The following KCNIP4 variants were observed in gnomAD, a reference collection of about 807,000 sequenced individuals.
KCNIP4 encodes the protein potassium voltage-gated channel interacting protein 4, also known as Kv channel-interacting protein 4.
Under a neutral mutation model 34.0 loss-of-function variants are expected in KCNIP4, and 12 were observed. That is an observed-to-expected ratio of 0.35 (90% confidence interval 0.23 to 0.57). The LOEUF (loss-of-function observed/expected upper bound fraction) is 0.57. Ranked by LOEUF, KCNIP4 falls within the 20% of genes least tolerant of loss-of-function variation. KCNIP4 has a pLI of 0.83. For synonymous variants in KCNIP4, 124 were observed against 102.2 expected, an observed-to-expected ratio of 1.21 and a Z score of -1.29; for missense variants, 238 against 311.7, an observed-to-expected ratio of 0.76 and a Z score of 1.78.
intron 1 of KCNIP4, among the ~76,000 whole-genome samples, chr4:20,882,920 A>G (rs1724864615): frequency 6.6e-6 from 1 of 152,058 alleles, no homozygotes; most frequent in Non-Finnish European, 1.5e-5. Flanking sequence ...GTTGTTTTGA[A>G]GATAATGACG....
In KCNIP4 at chr4:21,757,243, GAAAGAAAAGAAAAGA is replaced by G. The variant is rs145596310; in HGVS notation, c.61+191313_61+191327del. On this transcript the variant is annotated intron_variant, in intron 1 of 8. Transcript: ENST00000382152. ...AGAAAGAAAGAAAGAAAGAAAGAAAGAAAGAAAAGAAAAGAAAAGAAAAGAAAAGAAAAGAAAAGA... is the reference window on the plus strand; with the variant it reads ...AGAAAGAAAGAAAGAAAGAAAGAAAGAAAGAAAAGAAAAGAAAAGAAAAGA... Among the ~76,000 whole-genome samples, 157 of 26,464 alleles carry G rather than the reference GAAAGAAAAGAAAAGA, an allele frequency of 5.9e-3. 12 individuals are homozygous for G. Among genetic ancestry groups the G allele is most frequent in the African/African-American group, 0.025 (109 of 4,424 alleles). 17.4% of individuals were successfully genotyped at this position (26,464 alleles called of 152,430 possible).
At chr4:21,741,341 G>A (rs374465885) in intron 1 of KCNIP4, among the ~76,000 whole-genome samples, 49 of 152,208 alleles carry the variant, frequency 3.2e-4, no homozygotes, top group Non-Finnish European at 5.4e-4. Flanking sequence ...AAATAGCACC[G>A]TGGAAACAAC....
At chr4:21,607,805 A>G (rs1307797256) in intron 1 of KCNIP4, among the ~76,000 whole-genome samples, 1 of 152,016 alleles carries the variant, frequency 6.6e-6, no homozygotes, top group Non-Finnish European at 1.5e-5. Context: ...GTCACAGAAA[A>G]ACCTATGCTT....
chr4:20,945,174 T>C (rs1732063570), intron 1 of KCNIP4, among the ~76,000 whole-genome samples: 1 of 152,162 alleles, frequency 6.6e-6, no homozygotes, highest in Non-Finnish European at 1.5e-5. Context: ...AAATGCAGAA[T>C]AGCAGGTCCT....
Position 20,729,351 on chromosome 4 carries a change from T to G in KCNIP4, c.*731A>C, listed in dbSNP as rs1747152739. On this transcript the variant is annotated 3_prime_UTR_variant, in exon 9 of 9. Transcript: ENST00000382152. The stretch of plus-strand genomic sequence containing the variant: ...ATGATTGATACAATAGAAAACAGCC[T>G]GTAAGAAAGATTGAACAAATCCAAA... 1 of 152,180 alleles carries G rather than the reference T, an allele frequency of 6.6e-6. No individual in the cohort carries two copies. Among genetic ancestry groups the G allele is most frequent in the African/African-American group, 2.4e-5 (1 of 41,394 alleles). The allele number at this position is 152,180 out of a possible 1,614,324, so 9.4% of individuals were successfully genotyped here.
rs80090701 is a variant in KCNIP4 at position 21,081,646 on chromosome 4, A to C, written c.62-198937T>G. Among the ~76,000 whole-genome samples, 313 of 151,980 alleles carry C rather than the reference A, an allele frequency of 2.1e-3. 6 individuals carry two copies. The East Asian group carries it at 0.057, about 28-fold the overall frequency. The stretch of plus-strand genomic sequence containing the variant: ...ATTTCAAATGGTTGTGTTTTCTGTC[A>C]GTAATTTGAAGTTCTAGTATAATAT... On this transcript the variant is annotated intron_variant, in intron 1 of 8. Transcript: ENST00000382152.
At chr4:21,788,983 G>A (rs144444048) in intron 1 of KCNIP4, among the ~76,000 whole-genome samples, 2,707 of 149,034 alleles carry the variant, frequency 0.018, 88 homozygotes, top group African/African-American at 0.062. Flanking sequence ...TGAGGCAGAA[G>A]GATTGCTTGA....
chr4:21,363,578 C>A (rs1265026617), intron 1 of KCNIP4, among the ~76,000 whole-genome samples: 1 of 151,984 alleles, frequency 6.6e-6, no homozygotes. Flanking sequence ...GGGAAGTAGG[C>A]AAATTGAATT....
chr4:21,891,613 A>G (rs1727095896), intron 1 of KCNIP4, among the ~76,000 whole-genome samples: 1 of 152,150 alleles, frequency 6.6e-6, no homozygotes, highest in South Asian at 2.1e-4. Flanking sequence ...CACAGGGTCT[A>G]ACAATGATCA....
chr4:21,274,231 C>T (rs978314954), intron 1 of KCNIP4, among the ~76,000 whole-genome samples: 4 of 152,058 alleles, frequency 2.6e-5, no homozygotes, highest in African/African-American at 9.7e-5. Context: ...AGTACCATGC[C>T]TGTGTGTGAG....
chr4:21,917,660 T>C (rs1475525728), intron 1 of KCNIP4, among the ~76,000 whole-genome samples: 5 of 152,230 alleles, frequency 3.3e-5, no homozygotes, highest in Non-Finnish European at 7.3e-5. Context: ...AAAATTTCTA[T>C]TTCACAGATA....
intron 1 of KCNIP4, among the ~76,000 whole-genome samples, chr4:21,865,925 T>A (rs1725386843): frequency 3.2e-5 from 4 of 125,930 alleles, no homozygotes; most frequent in African/African-American, 2.5e-5. Context: ...ATATATGGTG[T>A]CTCATATATA....
chr4:21,666,848 A>T (rs1749003526), intron 1 of KCNIP4, among the ~76,000 whole-genome samples: 1 of 152,228 alleles, frequency 6.6e-6, no homozygotes, highest in African/African-American at 2.4e-5. Context: ...AAAGAGAGCC[A>T]CATTGAATGG....
chr4:21,512,595 G>GA (rs1657673049), intron 1 of KCNIP4, among the ~76,000 whole-genome samples: 1 of 152,094 alleles, frequency 6.6e-6, no homozygotes, highest in African/African-American at 2.4e-5. Flanking sequence ...CTGGTTCAGG[G>GA]AGACTCAGGC....
intron 1 of KCNIP4, among the ~76,000 whole-genome samples, chr4:20,982,883 TATC>T (rs1736211130): frequency 6.6e-6 from 1 of 152,208 alleles, no homozygotes; most frequent in Non-Finnish European, 1.5e-5. Flanking sequence ...GGCAATAAAA[TATC>T]ATATCCATAT....
intron 1 of KCNIP4, among the ~76,000 whole-genome samples, chr4:21,755,023 T>C (rs1250651765): frequency 2.6e-5 from 4 of 152,172 alleles, no homozygotes; most frequent in African/African-American, 9.7e-5. Context: ...CATGTGTGCC[T>C]GTAATCCCAG....
chr4:21,576,802 A>C (rs1258530775), intron 1 of KCNIP4, among the ~76,000 whole-genome samples: 1 of 152,154 alleles, frequency 6.6e-6, no homozygotes. Context: ...AATTTCTTCA[A>C]ACAGTACATT....
At chr4:21,733,113 G>A (rs1258587499) in intron 1 of KCNIP4, among the ~76,000 whole-genome samples, 1 of 152,094 alleles carries the variant, frequency 6.6e-6, no homozygotes, top group Non-Finnish European at 1.5e-5. Context: ...GGCACTCATG[G>A]ATGATTTTAT....
intron 1 of KCNIP4, among the ~76,000 whole-genome samples, chr4:21,452,692 T>A (rs1263938228): frequency 6.6e-6 from 1 of 151,574 alleles, no homozygotes; most frequent in African/African-American, 2.4e-5. Flanking sequence ...ACTATTATAC[T>A]ATTATTTGTC....
Sources: gnomAD v4.1 joint callset for allele counts (sites outside exome capture counted in the v4.1 genomes callset) on GRCh38, gnomAD v4.1.1 for gene constraint, MANE v1.5 for transcripts, NCBI Gene and HGNC (gene_info 2026-07-23, HGNC 2026-07-21) for gene names.